The following KRTAP16-1 variants were observed in gnomAD, a reference collection of about 807,000 sequenced individuals.
The protein encoded by KRTAP16-1 is keratin associated protein 16-1.
For missense variants in KRTAP16-1, 675 were observed against 657.7 expected (o/e 1.03, Z -0.29); for synonymous variants, 262 against 248.0 (o/e 1.06, Z -0.53).
At position 41,309,017 on chromosome 17, in the gene KRTAP16-1, A is replaced by G; in HGVS notation, c.237T>C (p.Cys79=). The G allele has an allele frequency of 6.4e-7, 1 of 1,550,706 alleles. No individual in the cohort carries two copies. The highest frequency in any genetic ancestry group is 1.2e-5 in the South Asian group (1 of 84,068). Residue 79 remains cysteine, a synonymous_variant, in exon 1 of 1, where the codon TGT becomes TGC. Transcript: ENST00000391352. ...CGCTGCTCACGGAGCAAGAAGGCTC[A>G]CAAATGACAGGATCACAGCACAGGG... ...AQPLCCDPVI[C]EPSCSVSSGC... is the part of the protein sequence containing the mutation.
At position 41,307,978 on chromosome 17, in the gene KRTAP16-1, A is replaced by G. The variant is rs546897543; in HGVS notation, c.1276T>C (p.Tyr426His). ...MTSISYRPAC[Y>H]RPCYSILRRP... ...CGCAGGATGGAGTAGCATGGGCGAT[A>G]GCAGGCAGGACGGTAGGAGATGGAT... The change falls in exon 1 of 1, where the codon TAT becomes CAT. Residue 426 changes from tyrosine to histidine, a missense_variant. Physicochemically the swap from Tyr to His is moderately conservative, Grantham distance 83. Transcript: ENST00000391352. The G allele has an allele frequency of 6.4e-7, 1 of 1,550,646 alleles. No homozygotes were observed. The highest frequency in any genetic ancestry group is 2.4e-5 in the East Asian group (1 of 40,930).
Position 41,309,128 on chromosome 17 carries a change from C to T in KRTAP16-1, c.126G>A (p.Leu42=). 1 of 1,550,594 alleles carries T rather than the reference C, an allele frequency of 6.4e-7. No homozygotes were observed. Among genetic ancestry groups the T allele is most frequent in the Non-Finnish European group, 8.7e-7 (1 of 1,146,974 alleles). ...ATCCACAGCTGTCTTGACAAGTCACCAGCTGCCATGTCTGGCTCTGGCAGG... is the reference window on the plus strand; with the variant it reads ...ATCCACAGCTGTCTTGACAAGTCACTAGCTGCCATGTCTGGCTCTGGCAGG... ...PSSCQSQTWQ[L]VTCQDSCGSS... is the part of the protein sequence containing the mutation. Residue 42 remains leucine (L), a synonymous_variant, in exon 1 of 1, where the codon CTG becomes CTA. Coordinates refer to ENST00000391352, the MANE Select transcript of KRTAP16-1 (RefSeq NM_001146182.2).
chr17:41,307,828 T>G lies in KRTAP16-1; in HGVS notation c.1426A>C (p.Thr476Pro), dbSNP rs2144204087. ...STSSQLDCVD[T>P]TPCKVDVSEE... ...GAGACATCCACCTTGCAGGGGGTTG[T>G]GTCAACACAATCCAGTTGGCTGGAA... The change falls in exon 1 of 1, where the codon ACA (threonine) becomes CCA (proline). Residue 476 changes from threonine to proline, a missense_variant. By Grantham distance (38) the Thr-to-Pro change is conservative. Transcript: ENST00000391352. 6.4e-7 allele frequency: 1 copy of G among 1,550,784 alleles called. No homozygotes were observed. The highest frequency in any genetic ancestry group is 1.7e-4 in the Middle Eastern group (1 of 5,992).
At position 41,308,900 on chromosome 17, in the gene KRTAP16-1, G is replaced by C; in HGVS notation, c.354C>G (p.Ile118Met). 1.3e-6 allele frequency: 2 copies of C among 1,548,982 alleles called. No homozygotes were observed. The highest frequency in any genetic ancestry group is 1.7e-6 in the Non-Finnish European group (2 of 1,145,614). Residue 118 changes from isoleucine (I) to methionine (M), a missense_variant, in exon 1 of 1, where the codon ATC (isoleucine) becomes ATG (methionine). Transcript: ENST00000391352. ...TGCTCACTGAGCAAGAAGGCTCACA[G>C]ATGGTGGCCTCGAAGCACACAGGTT... Reference protein sequence around the residue: ...CYQPVCFEATICEPSCSVSNC... With the variant: ...CYQPVCFEATMCEPSCSVSNC...
rs1183775265 is a variant in KRTAP16-1, at chr17:41,309,097, T to C, written c.157A>G (p.Ser53Gly). ...VTCQDSCGSS[S>G]CGPQCRQPSC... ...GGCTGACGGCACTGTGGCCCACAGC[T>C]GGATGATCCACAGCTGTCTTGACAA... The change falls in exon 1 of 1, where the codon AGC becomes GGC. Residue 53 changes from serine to glycine, a missense_variant. By Grantham distance (56) the Ser-to-Gly change is moderately conservative. Coordinates refer to ENST00000391352, the MANE Select transcript of KRTAP16-1 (RefSeq NM_001146182.2). The C allele has an allele frequency of 6.4e-7, 1 of 1,550,668 alleles. No individual in the cohort carries two copies. The highest frequency in any genetic ancestry group is 1.2e-5 in the South Asian group (1 of 84,064).
rs1463999499 is a variant in KRTAP16-1, at chr17:41,308,435, G to T, written c.819C>A (p.Val273=). Reference sequence around the variant, plus strand: ...CAGGGCGGAGGCAAACTGGCTCACAGACCAGAGCCACACACGTAGCTGGCT... The same window carrying T: ...CAGGGCGGAGGCAAACTGGCTCACATACCAGAGCCACACACGTAGCTGGCT... ...ICQPATCVAL[V]CEPVCLRPVC... is the part of the protein sequence containing the mutation. The change falls in exon 1 of 1, where the codon GTC becomes GTA. Residue 273 remains valine, a synonymous_variant. Transcript: ENST00000391352. The T allele has an allele frequency of 6.4e-7, 1 of 1,550,676 alleles. No homozygotes were observed. The highest frequency in any genetic ancestry group is 1.2e-5 in the South Asian group (1 of 84,068).
rs756597679 is a variant in KRTAP16-1, at chr17:41,308,433, C to G, written c.821G>C (p.Cys274Ser). ...GACAGGGCGGAGGCAAACTGGCTCACAGACCAGAGCCACACACGTAGCTGG... is the reference window on the plus strand; with the variant it reads ...GACAGGGCGGAGGCAAACTGGCTCAGAGACCAGAGCCACACACGTAGCTGG... ...CQPATCVALVCEPVCLRPVCC... is the reference protein window; with the variant it reads ...CQPATCVALVSEPVCLRPVCC... Residue 274 changes from cysteine (C) to serine (S), a missense_variant, in exon 1 of 1, where the codon TGT (cysteine) becomes TCT (serine). By Grantham distance (112) the Cys-to-Ser change is moderately radical. Transcript: ENST00000391352. 7.5e-5 allele frequency: 117 copies of G among 1,550,542 alleles called. No individual in the cohort carries two copies. In the African/African-American group the frequency reaches 8.2e-4, roughly 11 times the overall value.
rs1471299256 is a variant in KRTAP16-1, at chr17:41,308,123, G to T, written c.1131C>A (p.Phe377Leu). Residue 377 changes from phenylalanine to leucine, a missense_variant, in exon 1 of 1, where the codon TTC (phenylalanine) becomes TTA (leucine). Coordinates refer to ENST00000391352, the MANE Select transcript of KRTAP16-1 (RefSeq NM_001146182.2). Reference protein sequence around the residue: ...AICRPTCPRTFYIPSSSKRPC... With the variant: ...AICRPTCPRTLYIPSSSKRPC... ...GCCGTTTGCTGGAACTGGGTATGTA[G>T]AAAGTCCTAGGACAAGTTGGTCGGC... 6.4e-7 allele frequency: 1 copy of T among 1,550,530 alleles called. No individual in the cohort carries two copies. The highest frequency in any genetic ancestry group is 8.7e-7 in the Non-Finnish European group (1 of 1,147,018).
Position 41,308,698 on chromosome 17 carries a change from G to T in KRTAP16-1, c.556C>A (p.Pro186Thr), listed in dbSNP as rs139221377. The change falls in exon 1 of 1, where the codon CCC becomes ACC. Residue 186 changes from proline to threonine, a missense_variant. Pro to Thr is a conservative substitution (Grantham distance 38). Coordinates refer to ENST00000391352, the MANE Select transcript of KRTAP16-1 (RefSeq NM_001146182.2). ...ATSCQPVLCV[P>T]TSCQPVLCKS... ...CAGAGGACAGGCTGGCAGGAAGTGGGCACACAGAGGACTGGTTGGCAGGAA... is the reference window on the plus strand; with the variant it reads ...CAGAGGACAGGCTGGCAGGAAGTGGTCACACAGAGGACTGGTTGGCAGGAA... 4.5e-6 allele frequency: 7 copies of T among 1,550,702 alleles called. No homozygotes were observed. The Admixed American group carries it at 9.8e-5, about 22-fold the overall frequency.
rs2016930988 is a variant in KRTAP16-1 at position 41,308,172 on chromosome 17, G to A, written c.1082C>T (p.Pro361Leu). The A allele has an allele frequency of 6.4e-7, 1 of 1,550,628 alleles. No individual in the cohort carries two copies. Among genetic ancestry groups the A allele is most frequent in the Non-Finnish European group, 8.7e-7 (1 of 1,146,994 alleles). Residue 361 changes from proline to leucine, a missense_variant, in exon 1 of 1, where the codon CCA becomes CTA. Physicochemically the swap from Pro to Leu is moderately conservative, Grantham distance 98. Transcript: ENST00000391352. ...STSCRPLSCS[P>L]GSSASAICRP... ...GCAGATGGCAGATGCAGAAGACCCTGGACTGCAGGAAAGAGGTCGGCAGGA... is the reference window on the plus strand; with the variant it reads ...GCAGATGGCAGATGCAGAAGACCCTAGACTGCAGGAAAGAGGTCGGCAGGA...
In KRTAP16-1 at chr17:41,308,777, A is replaced by G; in HGVS notation, c.477T>C (p.Cys159=). 1 of 1,550,650 alleles carries G rather than the reference A, an allele frequency of 6.4e-7. No individual in the cohort carries two copies. The highest frequency in any genetic ancestry group is 1.2e-5 in the South Asian group (1 of 84,058). ...AQPVCCEPAI[C]EPSCSVSSCC... ...AGCTGCTCACGGAGCAAGAAGGCTC[A>G]CAAATAGCAGGCTCACAGCACACAG... Residue 159 remains cysteine (C), a synonymous_variant, in exon 1 of 1, where the codon TGT becomes TGC. Transcript: ENST00000391352.
Position 41,309,120 on chromosome 17 carries a change from C to A in KRTAP16-1, c.134G>T (p.Cys45Phe). 1 of 1,550,634 alleles carries A rather than the reference C, an allele frequency of 6.4e-7. No homozygotes were observed. Among genetic ancestry groups the A allele is most frequent in the East Asian group, 2.4e-5 (1 of 40,918 alleles). Residue 45 changes from cysteine to phenylalanine, a missense_variant, in exon 1 of 1, where the codon TGT becomes TTT. Transcript: ENST00000391352. ...CQSQTWQLVT[C>F]QDSCGSSSCG... is the part of the protein sequence containing the mutation. ...GCTGGATGATCCACAGCTGTCTTGA[C>A]AAGTCACCAGCTGCCATGTCTGGCT... is the stretch of plus-strand genomic sequence containing the variant.
chr17:41,308,459 C>T lies in KRTAP16-1; in HGVS notation c.795G>A (p.Gln265=). The change falls in exon 1 of 1, where the codon CAG becomes CAA. Residue 265 remains glutamine, a synonymous_variant. Coordinates refer to ENST00000391352, the MANE Select transcript of KRTAP16-1 (RefSeq NM_001146182.2). ...EPSCSESSIC[Q]PATCVALVCE... is the part of the protein sequence containing the mutation. ...AGACCAGAGCCACACACGTAGCTGG[C>T]TGGCAGATGCTAGACTCTGAGCAAC... 2.6e-6 allele frequency: 4 copies of T among 1,550,334 alleles called. No homozygotes were observed. Among genetic ancestry groups the T allele is most frequent in the Middle Eastern group, 1.7e-4 (1 of 5,992 alleles).
chr17:41,308,298 C>G lies in KRTAP16-1; in HGVS notation c.956G>C (p.Cys319Ser), dbSNP rs1225380182. The G allele has an allele frequency of 1.3e-6, 2 of 1,550,706 alleles. No individual in the cohort carries two copies. The highest frequency in any genetic ancestry group is 1.7e-6 in the Non-Finnish European group (2 of 1,147,016). The stretch of plus-strand genomic sequence containing the variant: ...ACTGGACACACAGACAGCTGGTGAG[C>G]AGGGGCTGGGCTCAGAGCAGATGGG... The part of the protein sequence containing the change: ...CQPICSEPSP[C>S]SPAVCVSSPC... Residue 319 changes from cysteine to serine, a missense_variant, in exon 1 of 1, where the codon TGC (cysteine) becomes TCC (serine). By Grantham distance (112) the Cys-to-Ser change is moderately radical. Transcript: ENST00000391352.
At position 41,308,672 on chromosome 17, in the gene KRTAP16-1, G is replaced by A. The variant is rs936142710; in HGVS notation, c.582C>T (p.Cys194=). The A allele has an allele frequency of 6.4e-6, 10 of 1,550,826 alleles. No individual in the cohort carries two copies. The highest frequency in any genetic ancestry group is 8.7e-6 in the Non-Finnish European group (10 of 1,147,044). ...CAACTGGCTGGCAGCAGCTGGATTTGCAGAGGACAGGCTGGCAGGAAGTGG... is the reference window on the plus strand; with the variant it reads ...CAACTGGCTGGCAGCAGCTGGATTTACAGAGGACAGGCTGGCAGGAAGTGG... ...CVPTSCQPVL[C]KSSCCQPVVC... The change falls in exon 1 of 1, where the codon TGC becomes TGT. Residue 194 remains cysteine (C), a synonymous_variant. Coordinates refer to ENST00000391352, the MANE Select transcript of KRTAP16-1 (RefSeq NM_001146182.2).
In KRTAP16-1 at chr17:41,308,446, C is replaced by T. The variant is rs1299960741; in HGVS notation, c.808G>A (p.Val270Met). 1.9e-6 allele frequency: 3 copies of T among 1,550,598 alleles called. No individual in the cohort carries two copies. Among genetic ancestry groups the T allele is most frequent in the Non-Finnish European group, 2.6e-6 (3 of 1,147,034 alleles). Residue 270 changes from valine to methionine, a missense_variant, in exon 1 of 1, where the codon GTG becomes ATG. Transcript: ENST00000391352. ...CAAACTGGCTCACAGACCAGAGCCA[C>T]ACACGTAGCTGGCTGGCAGATGCTA... ...ESSICQPATC[V>M]ALVCEPVCLR...
At position 41,308,780 on chromosome 17, in the gene KRTAP16-1, A is replaced by G. The variant is rs770510762; in HGVS notation, c.474T>C (p.Ile158=). ...TGCTCACGGAGCAAGAAGGCTCACA[A>G]ATAGCAGGCTCACAGCACACAGGTT... ...CAQPVCCEPA[I]CEPSCSVSSC... The change falls in exon 1 of 1, where the codon ATT becomes ATC. Residue 158 remains isoleucine, a synonymous_variant. Coordinates refer to ENST00000391352, the MANE Select transcript of KRTAP16-1 (RefSeq NM_001146182.2). 65 of 1,550,408 alleles carry G rather than the reference A, an allele frequency of 4.2e-5. No homozygotes were observed. Among genetic ancestry groups the G allele is most frequent in the Non-Finnish European group, 2.3e-5 (26 of 1,146,988 alleles).
Position 41,308,236 on chromosome 17 carries a change from G to A in KRTAP16-1, c.1018C>T (p.Pro340Ser), listed in dbSNP as rs1331443911. 1.3e-6 allele frequency: 2 copies of A among 1,550,524 alleles called. No individual in the cohort carries two copies. Among genetic ancestry groups the A allele is most frequent in the African/African-American group, 2.7e-5 (2 of 73,040 alleles). ...GAAACTGGCTCAGGGCAGACAGAAG[G>A]ACAGCGCTTGACTACATAGCAAGTA... Reference protein sequence around the residue: ...QPTCYVVKRCPSVCPEPVSCP... With the variant: ...QPTCYVVKRCSSVCPEPVSCP... Residue 340 changes from proline (P) to serine (S), a missense_variant, in exon 1 of 1, where the codon CCT (proline) becomes TCT (serine). By Grantham distance (74) the Pro-to-Ser change is moderately conservative. Coordinates refer to ENST00000391352, the MANE Select transcript of KRTAP16-1 (RefSeq NM_001146182.2).
rs2016924585 is a variant in KRTAP16-1, at chr17:41,307,892, A to G, written c.1362T>C (p.Thr454=). ...CRPVYFRPSC[T]ESDSCKRDCK... Reference sequence around the variant, plus strand: ...AATCCCGTTTGCAAGAGTCAGACTCAGTGCAAGATGGGCGGAAGTAGACTG... The same window carrying G: ...AATCCCGTTTGCAAGAGTCAGACTCGGTGCAAGATGGGCGGAAGTAGACTG... Residue 454 remains threonine, a synonymous_variant, in exon 1 of 1, where the codon ACT becomes ACC. Transcript: ENST00000391352. The G allele has an allele frequency of 6.4e-7, 1 of 1,550,704 alleles. No homozygotes were observed. Among genetic ancestry groups the G allele is most frequent in the Non-Finnish European group, 8.7e-7 (1 of 1,147,008 alleles).
Sources: gnomAD v4.1 joint callset for allele counts on GRCh38, gnomAD v4.1.1 for gene constraint, MANE v1.5 for transcripts, NCBI Gene and HGNC (gene_info 2026-07-23, HGNC 2026-07-21) for gene names.